AKAP6: variants seen among roughly 807,000 people sequenced by gnomAD.
AKAP6 encodes the protein A-kinase anchor protein 6.
Under a neutral mutation model 188.5 loss-of-function variants are expected in AKAP6, and 58 were observed. The observed-to-expected ratio is 0.31, with a 90% CI of 0.25 to 0.38. The LOEUF (loss-of-function observed/expected upper bound fraction) is 0.38, where lower values mean the gene tolerates loss of function less well. Ranked by LOEUF, AKAP6 falls within the 10% of genes least tolerant of loss-of-function variation. The probability of loss-of-function intolerance (pLI) is 1.00; values close to 1 mark genes in which losing one functional copy is unlikely to be tolerated. For missense variants in AKAP6, 2,710 were observed against 2,740.0 expected (o/e 0.99, Z 0.24); for synonymous variants, 989 against 998.6 (o/e 0.99, Z 0.18).
At chr14:32,551,817 A>G (rs1369446037) in intron 4 of AKAP6, among the ~76,000 whole-genome samples, 5 of 141,024 alleles carry the variant, frequency 3.5e-5, no homozygotes, top group Non-Finnish European at 6.0e-5. Flanking sequence ...CTGCCACCAC[A>G]CCCGGCTAAT....
chr14:32,596,536 G>T (rs945262669), intron 5 of AKAP6, among the ~76,000 whole-genome samples: 11 of 152,126 alleles, frequency 7.2e-5, no homozygotes, highest in African/African-American at 2.2e-4. Flanking sequence ...TCTACGTGCT[G>T]CTTTAAAGAT....
At chr14:32,527,196 T>C (rs374173937) in intron 2 of AKAP6, among the ~76,000 whole-genome samples, 77 of 152,370 alleles carry the variant, frequency 5.1e-4, no homozygotes, top group African/African-American at 1.8e-3. Context: ...GTACGGTTTG[T>C]AGCCTTTTCA....
intron 7 of AKAP6, among the ~76,000 whole-genome samples, chr14:32,601,869 A>C (rs948853533): frequency 3.3e-5 from 5 of 152,208 alleles, no homozygotes; most frequent in Admixed American, 3.3e-4. Context: ...CCATGCAGCC[A>C]GTGAAAAGCT....
intron 9 of AKAP6, among the ~76,000 whole-genome samples, chr14:32,717,127 G>A (rs1017874111): frequency 2.0e-5 from 3 of 151,808 alleles, no homozygotes; most frequent in Non-Finnish European, 4.4e-5. Flanking sequence ...ACAGTTGCAG[G>A]ATTGATGGTG....
intron 2 of AKAP6, among the ~76,000 whole-genome samples, chr14:32,434,246 T>C (rs1223130998): frequency 6.6e-6 from 1 of 152,198 alleles, no homozygotes; most frequent in Non-Finnish European, 1.5e-5. Flanking sequence ...AACAATGAAT[T>C]CTGACATAGT....
intron 7 of AKAP6, among the ~76,000 whole-genome samples, chr14:32,636,539 AG>A (rs1329105629): frequency 1.3e-5 from 2 of 152,018 alleles, no homozygotes; most frequent in African/African-American, 4.8e-5. Flanking sequence ...CTCATAGCTG[AG>A]TGTGAGAGAG....
At chr14:32,753,590 C>A (rs1373295909) in intron 11 of AKAP6, among the ~76,000 whole-genome samples, 1 of 152,056 alleles carries the variant, frequency 6.6e-6, no homozygotes, top group Non-Finnish European at 1.5e-5. Context: ...CTCGTTCAGA[C>A]CAATGTCAAG....
chr14:32,510,473 T>TAC (rs1256235777), intron 2 of AKAP6, among the ~76,000 whole-genome samples: 20 of 128,240 alleles, frequency 1.6e-4, no homozygotes, highest in Non-Finnish European at 2.0e-4. Flanking sequence ...TATATATATA[T>TAC]ATACATATAT....
intron 2 of AKAP6, among the ~76,000 whole-genome samples, chr14:32,479,949 G>A (rs1957030): frequency 0.27 from 40,901 of 152,088 alleles, 5,956 homozygotes; most frequent in Non-Finnish European, 0.31. Context: ...ATGGGCTAAG[G>A]CAGATTACAA....
In AKAP6 at chr14:32,361,053, C is replaced by CATATATATAT. The variant is rs201231103; in HGVS notation, c.-35+31648_-35+31649insTATATATATA. Among the ~76,000 whole-genome samples, 364 of 111,928 alleles carry CATATATATAT rather than the reference C, an allele frequency of 3.3e-3. 17 individuals are homozygous for CATATATATAT. The highest frequency in any genetic ancestry group is 9.9e-3 in the African/African-American group (249 of 25,244). The allele number at this position is 111,928 out of a possible 152,430, so 73.4% of individuals were successfully genotyped here. A position where few individuals can be genotyped will look rare whatever the true frequency, so the allele number is the denominator to read the frequency against. On this transcript the variant is annotated intron_variant, in intron 1 of 13. Transcript: ENST00000280979. The stretch of plus-strand genomic sequence containing the variant: ...TGTGAGCCACTGCACAAGGCCTGAA[C>CATATATATAT]ATACATATATATATATATTTGAGAA...
intron 2 of AKAP6, among the ~76,000 whole-genome samples, chr14:32,449,076 C>G (rs1416695766): frequency 6.6e-6 from 1 of 152,180 alleles, no homozygotes; most frequent in East Asian, 1.9e-4. Context: ...GATCATCACC[C>G]TGACAAATTA....
At chr14:32,393,360 C>T (rs138076289) in intron 1 of AKAP6, among the ~76,000 whole-genome samples, 16 of 152,182 alleles carry the variant, frequency 1.1e-4, no homozygotes, top group African/African-American at 2.9e-4. Context: ...CAGGCTGGTA[C>T]ACTTCAAAAC....
intron 2 of AKAP6, among the ~76,000 whole-genome samples, chr14:32,530,901 C>T (rs1235063749): frequency 4.6e-5 from 7 of 151,768 alleles, no homozygotes; most frequent in Admixed American, 3.3e-4. Context: ...AAACAAAAAA[C>T]AAAAAACAAA....
intron 5 of AKAP6, 37 bp from the exon 6 acceptor site, chr14:32,599,373 C>G: frequency 1.3e-6 from 2 of 1,557,672 alleles, no homozygotes; most frequent in Non-Finnish European, 1.8e-6. Context: ...TGTGTAACTG[C>G]CTTGCCAGGG....
chr14:32,756,136 G>A (rs2032323167), intron 11 of AKAP6, among the ~76,000 whole-genome samples: 2 of 152,040 alleles, frequency 1.3e-5, no homozygotes, highest in African/African-American at 4.8e-5. Context: ...TGGGTCTATA[G>A]GATCATGCCT....
chr14:32,482,301 C>T (rs1951199), intron 2 of AKAP6, among the ~76,000 whole-genome samples: 97,464 of 151,996 alleles, frequency 0.64, 32,409 homozygotes, highest in East Asian at 0.86. Context: ...GGCTACATCT[C>T]CTATACTCTC....
At chr14:32,550,541 T>C (rs1462634130) in intron 4 of AKAP6, among the ~76,000 whole-genome samples, 1 of 152,222 alleles carries the variant, frequency 6.6e-6, no homozygotes, top group African/African-American at 2.4e-5. Flanking sequence ...TATATGACTT[T>C]ATGATATGCA....
At chr14:32,391,728 G>A (rs1484042460) in intron 1 of AKAP6, among the ~76,000 whole-genome samples, 1 of 152,164 alleles carries the variant, frequency 6.6e-6, no homozygotes, top group African/African-American at 2.4e-5. Context: ...AGATGTGACT[G>A]CTACCCCTTT....
intron 12 of AKAP6, among the ~76,000 whole-genome samples, chr14:32,784,239 C>T (rs963370797): frequency 1.3e-5 from 2 of 152,168 alleles, no homozygotes; most frequent in Non-Finnish European, 2.9e-5. Context: ...CTTATTTAAG[C>T]ATTTCCTATA....
Sources: allele counts gnomAD v4.1 joint callset (sites outside exome capture counted in the v4.1 genomes callset), GRCh38; gene constraint gnomAD v4.1.1; transcripts MANE v1.5; gene names NCBI Gene and HGNC (gene_info 2026-07-23, HGNC 2026-07-21).